Variants in TRIL observed in about 807,000 individuals in gnomAD.
TRIL encodes TLR4 interactor with leucine rich repeats.
TRIL carries 23 observed loss-of-function variants against 43.0 expected under a neutral mutation model. That is an observed-to-expected ratio of 0.54 (90% CI 0.39 to 0.76). TRIL has a LOEUF of 0.76. Ranked by LOEUF, TRIL falls within the 30% of genes least tolerant of loss-of-function variation. The pLI is 0.00. For missense variants in TRIL, 1,114 were observed against 1,139.3 expected (o/e 0.98, Z 0.32); for synonymous variants, 602 against 556.8 (o/e 1.08, Z -1.14).
chr7:28,958,072 C>T lies in TRIL; in HGVS notation c.-26G>A. 1.4e-6 allele frequency: 2 copies of T among 1,475,112 alleles called. No individual in the cohort carries two copies. The highest frequency in any genetic ancestry group is 1.8e-6 in the Non-Finnish European group (2 of 1,118,628). The allele number at this position is 1,475,112 out of a possible 1,614,324, so 91.4% of individuals were successfully genotyped here. A position where few individuals can be genotyped will look rare whatever the true frequency, so the allele number is the denominator to read the frequency against. Reference sequence around the variant, plus strand: ...CGCCTCCCGCCCTGCGTGCAGCGGCCGGATCGTCCTCTTGGCCCGCCGGCT... The same window carrying T: ...CGCCTCCCGCCCTGCGTGCAGCGGCTGGATCGTCCTCTTGGCCCGCCGGCT... On this transcript the variant is annotated 5_prime_UTR_variant, in exon 1 of 1. Coordinates refer to ENST00000539664, the MANE Select transcript of TRIL (RefSeq NM_014817.4).
rs2128114473 is a variant in TRIL, at chr7:28,957,227, A to C, written c.820T>G (p.Trp274Gly). ...AGCTCGCGCAGGGCCTCCAAGCCCC[A>C]AAAGGCCTCAGGCGCGAGGTGCGTG... is the stretch of plus-strand genomic sequence containing the variant. ...QLTHLAPEAF[W>G]GLEALRELRL... Residue 274 changes from tryptophan to glycine, a missense_variant, in exon 1 of 1, where the codon TGG (tryptophan) becomes GGG (glycine). Transcript: ENST00000539664. 1.2e-6 allele frequency: 2 copies of C among 1,605,596 alleles called. No homozygotes were observed. Among genetic ancestry groups the C allele is most frequent in the Non-Finnish European group, 1.7e-6 (2 of 1,179,092 alleles).
Position 28,956,198 on chromosome 7 carries a change from C to G in TRIL, c.1849G>C (p.Gly617Arg). The G allele has an allele frequency of 6.4e-7, 1 of 1,566,412 alleles. No individual in the cohort carries two copies. Among genetic ancestry groups the G allele is most frequent in the Non-Finnish European group, 8.6e-7 (1 of 1,157,904 alleles). The stretch of plus-strand genomic sequence containing the variant: ...TCAAAGAGCAGGCGGAAGCGCGCGC[C>G]GCCCAGCGGCCGGGGACTGCGGTGC... ...REHRSPRPLG[G>R]ARFRLLFDRF... The change falls in exon 1 of 1, where the codon GGC (glycine) becomes CGC (arginine). Residue 617 changes from glycine to arginine, a missense_variant. Gly to Arg is a moderately radical substitution (Grantham distance 125, BLOSUM62 -2). Coordinates refer to ENST00000539664, the MANE Select transcript of TRIL (RefSeq NM_014817.4).
rs749486970 is a variant in TRIL at position 28,957,138 on chromosome 7, C to T, written c.909G>A (p.Leu303=). 5.8e-5 allele frequency: 92 copies of T among 1,583,412 alleles called. No homozygotes were observed. The highest frequency in any genetic ancestry group is 1.1e-5 in the Non-Finnish European group (13 of 1,167,990). Residue 303 remains leucine (L), a synonymous_variant, in exon 1 of 1, where the codon CTG becomes CTA. Transcript: ENST00000539664. Reference sequence around the variant, plus strand: ...CATTGCCGCTCAGGTCCAGCGCCTCCAGGCTGTGCAGAGGCTCCAGCAGCG... The same window carrying T: ...CATTGCCGCTCAGGTCCAGCGCCTCTAGGCTGTGCAGAGGCTCCAGCAGCG... ...PTALLEPLHS[L]EALDLSGNEL... is the part of the protein sequence containing the mutation.
rs755385398 is a variant in TRIL, at chr7:28,958,014, G to C, written c.33C>G (p.Leu11=). Residue 11 remains leucine (L), a synonymous_variant, in exon 1 of 1, where the codon CTC becomes CTG. Transcript: ENST00000539664. ...GGAGCGCGAGGCAGCCGCACACCAC[G>C]AGCAGGAGGCGCAAGGCGCGGGCAG... The part of the protein sequence containing the change: MEAARALRLL[L]VVCGCLALPP... The C allele has an allele frequency of 1.3e-6, 2 of 1,586,958 alleles. No individual in the cohort carries two copies. Among genetic ancestry groups the C allele is most frequent in the East Asian group, 2.3e-5 (1 of 44,316 alleles).
Position 28,955,654 on chromosome 7 carries a change from C to T in TRIL, c.2393G>A (p.Ser798Asn), listed in dbSNP as rs1374407705. Reference protein sequence around the residue: ...MDSAGGGAGGSLRREDRLLQR... With the variant: ...MDSAGGGAGGNLRREDRLLQR... ...CAGGAGACGGTCCTCCCGTCTCAGG[C>T]TGCCGCCCGCGCCGCCGCCCGCACT... Residue 798 changes from serine to asparagine, a missense_variant, in exon 1 of 1, where the codon AGC becomes AAC. Physicochemically the swap from Ser to Asn is conservative, Grantham distance 46. Transcript: ENST00000539664. 6.5e-7 allele frequency: 1 copy of T among 1,546,844 alleles called. No individual in the cohort carries two copies. The highest frequency in any genetic ancestry group is 8.7e-7 in the Non-Finnish European group (1 of 1,146,526).
chr7:28,954,231 G>A lies in TRIL; in HGVS notation c.*1380C>T, dbSNP rs572896110. 6.6e-6 allele frequency: 1 copy of A among 152,244 alleles called. No individual in the cohort carries two copies. Among genetic ancestry groups the A allele is most frequent in the East Asian group, 1.9e-4 (1 of 5,180 alleles). 9.4% of individuals were successfully genotyped at this position (152,244 alleles called of 1,614,324 possible). On this transcript the variant is annotated 3_prime_UTR_variant, in exon 1 of 1. Coordinates refer to ENST00000539664, the MANE Select transcript of TRIL (RefSeq NM_014817.4). ...GGGAATGAAAGTATCCCAAATAGTT[G>A]GAAACAACTGAACAAATAAAGGATC... is the stretch of plus-strand genomic sequence containing the variant.
In TRIL at chr7:28,957,388, C is replaced by T. The variant is rs1353604347; in HGVS notation, c.659G>A (p.Arg220His). Residue 220 changes from arginine to histidine, a missense_variant, in exon 1 of 1, where the codon CGC becomes CAC. Physicochemically the swap from Arg to His is conservative, Grantham distance 29. Transcript: ENST00000539664. Reference sequence around the variant, plus strand: ...CAGCGGTGCGAAGGTGGCCGCGTGGCGCAGGGAGGGCTGTAGCTCGTTGGC... The same window carrying T: ...CAGCGGTGCGAAGGTGGCCGCGTGGTGCAGGGAGGGCTGTAGCTCGTTGGC... The part of the protein sequence containing the change: ...LSANELQPSL[R>H]HAATFAPLRS... 6.2e-7 allele frequency: 1 copy of T among 1,613,420 alleles called. No individual in the cohort carries two copies. Among genetic ancestry groups the T allele is most frequent in the Admixed American group, 1.7e-5 (1 of 60,028 alleles).
In TRIL at chr7:28,955,451, C is replaced by G; in HGVS notation, c.*160G>C. The stretch of plus-strand genomic sequence containing the variant: ...CACCAAGTACCATCCATTTACTTCT[C>G]GAGTATTGGGAATTGGGGGATGGTG... On this transcript the variant is annotated 3_prime_UTR_variant, in exon 1 of 1. Transcript: ENST00000539664. The G allele has an allele frequency of 9.2e-7, 1 of 1,087,654 alleles. No homozygotes were observed. The highest frequency in any genetic ancestry group is 1.3e-6 in the Non-Finnish European group (1 of 786,382). The allele number at this position is 1,087,654 out of a possible 1,614,324, so 67.4% of individuals were successfully genotyped here.
In TRIL at chr7:28,957,786, C is replaced by G; in HGVS notation, c.261G>C (p.Arg87=). The stretch of plus-strand genomic sequence containing the variant: ...GGATCTGGTTGTACTGCAGGTCCAG[C>G]CGTCTGAGCTGCCCCAGACGGTGGA... ...FDFHRLGQLR[R]LDLQYNQIRS... Residue 87 remains arginine (R), a synonymous_variant, in exon 1 of 1, where the codon CGG becomes CGC. Coordinates refer to ENST00000539664, the MANE Select transcript of TRIL (RefSeq NM_014817.4). 1 of 1,613,976 alleles carries G rather than the reference C, an allele frequency of 6.2e-7. No individual in the cohort carries two copies. Among genetic ancestry groups the G allele is most frequent in the South Asian group, 1.1e-5 (1 of 91,084 alleles).
At position 28,955,813 on chromosome 7, in the gene TRIL, C is replaced by T. The variant is rs1231982189; in HGVS notation, c.2234G>A (p.Arg745Gln). ...PVHVRHMYST[R>Q]RPLRSMGTGV... ...GGTGCCCATGGAGCGCAGGGGCCGT[C>T]GGGTGGAGTACATGTGCCGAACGTG... The change falls in exon 1 of 1, where the codon CGA (arginine) becomes CAA (glutamine). Residue 745 changes from arginine (R) to glutamine (Q), a missense_variant. Coordinates refer to ENST00000539664, the MANE Select transcript of TRIL (RefSeq NM_014817.4). The T allele has an allele frequency of 2.6e-6, 4 of 1,549,828 alleles. No homozygotes were observed. The highest frequency in any genetic ancestry group is 1.4e-5 in the African/African-American group (1 of 73,046).
chr7:28,955,669 C>T lies in TRIL; in HGVS notation c.2378G>A (p.Gly793Asp), dbSNP rs1288849006. The T allele has an allele frequency of 1.9e-6, 3 of 1,548,428 alleles. No homozygotes were observed. The highest frequency in any genetic ancestry group is 2.4e-5 in the East Asian group (1 of 40,896). Reference protein sequence around the residue: ...PCDRFMDSAGGGAGGSLRRED... With the variant: ...PCDRFMDSAGDGAGGSLRRED... ...CCGTCTCAGGCTGCCGCCCGCGCCG[C>T]CGCCCGCACTGTCCATGAAGCGGTC... Residue 793 changes from glycine (G) to aspartate (D), a missense_variant, in exon 1 of 1, where the codon GGC becomes GAC. Physicochemically the swap from Gly to Asp is moderately conservative, Grantham distance 94. Coordinates refer to ENST00000539664, the MANE Select transcript of TRIL (RefSeq NM_014817.4).
Position 28,954,538 on chromosome 7 carries a change from A to G in TRIL, c.*1073T>C, listed in dbSNP as rs1783367328. 4 of 152,568 alleles carry G rather than the reference A, an allele frequency of 2.6e-5. No individual in the cohort carries two copies. The highest frequency in any genetic ancestry group is 2.6e-4 in the Admixed American group (4 of 15,288). 9.5% of individuals were successfully genotyped at this position (152,568 alleles called of 1,614,324 possible). A position where few individuals can be genotyped will look rare whatever the true frequency, so the allele number is the denominator to read the frequency against. On this transcript the variant is annotated 3_prime_UTR_variant, in exon 1 of 1. Coordinates refer to ENST00000539664, the MANE Select transcript of TRIL (RefSeq NM_014817.4). ...GTCAAACATTAAACTATCAATTGACAATCACCTTTTGCTTCCCTATTAGGA... is the reference window on the plus strand; with the variant it reads ...GTCAAACATTAAACTATCAATTGACGATCACCTTTTGCTTCCCTATTAGGA...
Position 28,956,161 on chromosome 7 carries a change from T to A in TRIL, c.1886A>T (p.Gln629Leu). Residue 629 changes from glutamine (Q) to leucine (L), a missense_variant, in exon 1 of 1, where the codon CAG becomes CTG. Coordinates refer to ENST00000539664, the MANE Select transcript of TRIL (RefSeq NM_014817.4). ...GACGAAGCGGTGGAACTTGGGCTGC[T>A]GGCCAAAGCGGTCAAAGAGCAGGCG... ...RFRLLFDRFG[Q>L]QPKFHRFVYL... 3.8e-6 allele frequency: 6 copies of A among 1,574,530 alleles called. No individual in the cohort carries two copies. Among genetic ancestry groups the A allele is most frequent in the Non-Finnish European group, 5.2e-6 (6 of 1,161,582 alleles).
chr7:28,957,901 A>G lies in TRIL; in HGVS notation c.146T>C (p.Val49Ala). Residue 49 changes from valine (V) to alanine (A), a missense_variant, in exon 1 of 1, where the codon GTG becomes GCG. By Grantham distance (64) the Val-to-Ala change is moderately conservative (BLOSUM62 0). Coordinates refer to ENST00000539664, the MANE Select transcript of TRIL (RefSeq NM_014817.4). ...LLCTNRGLRV[V>A]PKTSSLPSPH... Reference sequence around the variant, plus strand: ...GCTCGGCAGCGAGCTGGTCTTGGGCACTACGCGGAGCCCCCTGTTGGTGCA... The same window carrying G: ...GCTCGGCAGCGAGCTGGTCTTGGGCGCTACGCGGAGCCCCCTGTTGGTGCA... The G allele has an allele frequency of 1.9e-6, 3 of 1,612,892 alleles. No individual in the cohort carries two copies. Among genetic ancestry groups the G allele is most frequent in the Admixed American group, 1.7e-5 (1 of 60,038 alleles).
chr7:28,957,082 C>T lies in TRIL; in HGVS notation c.965G>A (p.Gly322Asp). The T allele has an allele frequency of 1.3e-6, 2 of 1,571,910 alleles. No individual in the cohort carries two copies. The highest frequency in any genetic ancestry group is 8.6e-7 in the Non-Finnish European group (1 of 1,162,064). ...ELSALHPATF[G>D]HLGRLRELSL... ...GAGCTCGCGCAGCCGGCCCAGGTGGCCGAAGGTGGCCGGGTGCAGGGCGGA... is the reference window on the plus strand; with the variant it reads ...GAGCTCGCGCAGCCGGCCCAGGTGGTCGAAGGTGGCCGGGTGCAGGGCGGA... Residue 322 changes from glycine (G) to aspartate (D), a missense_variant, in exon 1 of 1, where the codon GGC (glycine) becomes GAC (aspartate). Physicochemically the swap from Gly to Asp is moderately conservative, Grantham distance 94. Coordinates refer to ENST00000539664, the MANE Select transcript of TRIL (RefSeq NM_014817.4).
In TRIL at chr7:28,957,502, A is replaced by G. The variant is rs1234344435; in HGVS notation, c.545T>C (p.Leu182Pro). 1 of 1,613,062 alleles carries G rather than the reference A, an allele frequency of 6.2e-7. No individual in the cohort carries two copies. ...DAVFAPLGNLLYLHLESNRIR... is the reference protein window; with the variant it reads ...DAVFAPLGNLPYLHLESNRIR... The stretch of plus-strand genomic sequence containing the variant: ...CCGGTTGGACTCCAGATGTAGGTAG[A>G]GCAGGTTGCCCAAGGGAGCGAAGAC... The change falls in exon 1 of 1, where the codon CTC (leucine) becomes CCC (proline). Residue 182 changes from leucine (L) to proline (P), a missense_variant. Coordinates refer to ENST00000539664, the MANE Select transcript of TRIL (RefSeq NM_014817.4).
Position 28,954,435 on chromosome 7 carries a change from ACCC to A in TRIL, c.*1173_*1175del, listed in dbSNP as rs1783365868. ...ATCTTCTGGTTTTAGTAGAACAGATACCCACTGGTGTATTTTTTTCACATTTGT... is the reference window on the plus strand; with the variant it reads ...ATCTTCTGGTTTTAGTAGAACAGATAACTGGTGTATTTTTTTCACATTTGT... On this transcript the variant is annotated 3_prime_UTR_variant, in exon 1 of 1. Coordinates refer to ENST00000539664, the MANE Select transcript of TRIL (RefSeq NM_014817.4). 1 of 152,652 alleles carries A rather than the reference ACCC, an allele frequency of 6.6e-6. No individual in the cohort carries two copies. The highest frequency in any genetic ancestry group is 1.5e-5 in the Non-Finnish European group (1 of 68,048). 9.5% of individuals were successfully genotyped at this position (152,652 alleles called of 1,614,324 possible).
Position 28,955,470 on chromosome 7 carries a change from G to A in TRIL, c.*141C>T. 8.1e-7 allele frequency: 1 copy of A among 1,231,816 alleles called. No homozygotes were observed. The highest frequency in any genetic ancestry group is 1.1e-6 in the Non-Finnish European group (1 of 917,418). 76.3% of individuals were successfully genotyped at this position (1,231,816 alleles called of 1,614,324 possible). A position where few individuals can be genotyped will look rare whatever the true frequency, so the allele number is the denominator to read the frequency against. On this transcript the variant is annotated 3_prime_UTR_variant, in exon 1 of 1. Transcript: ENST00000539664. ...ACTTCTCGAGTATTGGGAATTGGGG[G>A]ATGGTGCCCGAATTGGCCCTCTGTC...
rs1562702728 is a variant in TRIL, at chr7:28,956,023, C to T, written c.2024G>A (p.Arg675Gln). ...GGTGACCAGCCCCGCGCAGTGGTCC[C>T]GGGGAGCCACAGGGCAGACACGGCC... ...LGGRVCPVAP[R>Q]DHCAGLVTLP... Residue 675 changes from arginine (R) to glutamine (Q), a missense_variant, in exon 1 of 1, where the codon CGG becomes CAG. Transcript: ENST00000539664. 1.3e-6 allele frequency: 2 copies of T among 1,549,604 alleles called. No homozygotes were observed. The highest frequency in any genetic ancestry group is 1.7e-6 in the Non-Finnish European group (2 of 1,152,444).
Sources: allele counts gnomAD v4.1 joint callset, GRCh38; gene constraint gnomAD v4.1.1; transcripts MANE v1.5; gene names NCBI Gene and HGNC (gene_info 2026-07-23, HGNC 2026-07-21).